RYR2: variants seen among roughly 807,000 people sequenced by gnomAD.
RYR2 encodes the protein cardiac muscle ryanodine receptor-calcium release channel.
RYR2 carries 227 observed loss-of-function variants against 601.1 expected under a neutral mutation model. The ratio of observed to expected loss-of-function variants is 0.38; its 90% CI spans 0.34 to 0.42. RYR2 has a LOEUF of 0.42. Ranked by LOEUF, RYR2 falls within the 10% of genes least tolerant of loss-of-function variation. The pLI is 1.00. For missense variants in RYR2, 4,646 were observed against 6,156.5 expected (o/e 0.75, Z 8.21); for synonymous variants, 2,223 against 2,175.1 (o/e 1.02, Z -0.61).
Position 237,277,893 on chromosome 1 carries a change from G to A in RYR2, c.168+7277G>A, listed in dbSNP as rs60261026. On this transcript the variant is annotated intron_variant, in intron 2 of 104. Transcript: ENST00000366574. ...CTGTTCACAAATATAAAGTCATTAA[G>A]CCTTAACACTATGTTTATTTGCTAT... Among the ~76,000 whole-genome samples, 1,230 of 152,194 alleles carry A rather than the reference G, an allele frequency of 8.1e-3. 25 individuals are homozygous for A. Among genetic ancestry groups the A allele is most frequent in the African/African-American group, 0.028 (1,143 of 41,534 alleles).
chr1:237,678,163 C>A, intron 61 of RYR2, 51 bp downstream of exon 61: 2 of 999,158 alleles, frequency 2.0e-6, no homozygotes, highest in South Asian at 2.7e-5. Context: ...TGTTTACATA[C>A]CCTACTCATT....
chr1:237,126,333 T>C (rs1671415617), intron 1 of RYR2, among the ~76,000 whole-genome samples: 1 of 151,530 alleles, frequency 6.6e-6, no homozygotes, highest in South Asian at 2.1e-4. Flanking sequence ...GCTATGAGAG[T>C]AATTGGTGAC....
At chr1:237,289,351 C>T (rs183999911) in intron 2 of RYR2, among the ~76,000 whole-genome samples, 38 of 152,236 alleles carry the variant, frequency 2.5e-4, no homozygotes, top group African/African-American at 8.2e-4. Context: ...TTGTATTAGT[C>T]CTTTCTCATG....
At chr1:237,597,381 A>G (rs990575124) in intron 34 of RYR2, among the ~76,000 whole-genome samples, 2 of 151,476 alleles carry the variant, frequency 1.3e-5, no homozygotes, top group African/African-American at 4.9e-5. Flanking sequence ...TTCTGGGTTC[A>G]AGCAATTCTC....
At chr1:237,233,468 T>A (rs1023118231) in intron 1 of RYR2, among the ~76,000 whole-genome samples, 2 of 152,200 alleles carry the variant, frequency 1.3e-5, no homozygotes, top group Non-Finnish European at 2.9e-5. Context: ...TTTTTCTTCT[T>A]GATCTTATCC....
At chr1:237,731,934 G>C in intron 77 of RYR2, 112 bp from the exon 78 acceptor site, 1 of 511,590 alleles carries the variant, frequency 2.0e-6, no homozygotes, top group South Asian at 2.3e-5. Context: ...CAACAGGGAA[G>C]GAGGAACGTT....
intron 65 of RYR2, 72 bp downstream of exon 65, chr1:237,700,539 A>G (rs1392433483): frequency 2.7e-6 from 2 of 738,688 alleles, no homozygotes; most frequent in African/African-American, 3.6e-5. Context: ...AAAAACAGTA[A>G]TAGCCACATC....
intron 24 of RYR2, among the ~76,000 whole-genome samples, chr1:237,525,987 AAATAAT>A (rs1667550083): frequency 6.6e-6 from 1 of 150,992 alleles, no homozygotes. Context: ...CAAAAAAAAA[AAATAAT>A]AATAATAAAT....
chr1:237,194,383 G>A (rs1445493902), intron 1 of RYR2, among the ~76,000 whole-genome samples: 2 of 152,208 alleles, frequency 1.3e-5, no homozygotes, highest in African/African-American at 4.8e-5. Context: ...ATACATGAGT[G>A]AGAAACAGCG....
At chr1:237,217,865 A>G (rs1018258165) in intron 1 of RYR2, among the ~76,000 whole-genome samples, 1 of 152,162 alleles carries the variant, frequency 6.6e-6, no homozygotes, top group East Asian at 1.9e-4. Flanking sequence ...GCTTTGCTGT[A>G]TTTGTTTTGC....
chr1:237,424,764 C>T (rs1705969729), intron 12 of RYR2, among the ~76,000 whole-genome samples: 2 of 152,028 alleles, frequency 1.3e-5, no homozygotes, highest in Admixed American at 1.3e-4. Context: ...TAATAAATTC[C>T]ATTTTATTAA....
intron 1 of RYR2, among the ~76,000 whole-genome samples, chr1:237,256,205 CA>C (rs1687957987): frequency 6.6e-6 from 1 of 152,142 alleles, no homozygotes; most frequent in Admixed American, 6.6e-5. Flanking sequence ...GCTTGTCTCA[CA>C]TTTTCTCTTG....
chr1:237,725,837 GT>G (rs898813115), intron 74 of RYR2, among the ~76,000 whole-genome samples: 1 of 152,058 alleles, frequency 6.6e-6, no homozygotes, highest in African/African-American at 2.4e-5. Context: ...CTTAAAATAT[GT>G]TTGTCAACTG....
At chr1:237,048,353 A>G (rs537508868) in intron 1 of RYR2, among the ~76,000 whole-genome samples, 1 of 151,872 alleles carries the variant, frequency 6.6e-6, no homozygotes, top group Admixed American at 6.6e-5. Context: ...TTGCAATCCA[A>G]CTCAGATTTC....
At chr1:237,299,360 T>G (rs537902418) in intron 2 of RYR2, among the ~76,000 whole-genome samples, 1 of 152,272 alleles carries the variant, frequency 6.6e-6, no homozygotes, top group African/African-American at 2.4e-5. Flanking sequence ...CTGACCCTAT[T>G]TGAATACGGA....
intron 28 of RYR2, among the ~76,000 whole-genome samples, chr1:237,568,713 A>G (rs900976060): frequency 2.0e-5 from 3 of 152,202 alleles, no homozygotes; most frequent in African/African-American, 4.8e-5. Context: ...ATCATTTTCA[A>G]TGACAGATGC....
chr1:237,681,777 C>T (rs1685906830), intron 62 of RYR2, among the ~76,000 whole-genome samples: 1 of 152,076 alleles, frequency 6.6e-6, no homozygotes, highest in Admixed American at 6.5e-5. Flanking sequence ...CTCATCATTT[C>T]ATAAGCACCA....
chr1:237,493,226 T>C, intron 19 of RYR2, 139 bp downstream of exon 19: 1 of 955,140 alleles, frequency 1.0e-6, no homozygotes, highest in South Asian at 1.7e-5. Flanking sequence ...CAGTGAATAA[T>C]ATGTCTTTTT....
At chr1:237,119,236 A>G (rs1166551796) in intron 1 of RYR2, among the ~76,000 whole-genome samples, 1 of 152,190 alleles carries the variant, frequency 6.6e-6, no homozygotes, top group Non-Finnish European at 1.5e-5. Flanking sequence ...CGGGGAGTAG[A>G]CAGCCATCTG....
Sources: allele counts gnomAD v4.1 joint callset (sites outside exome capture counted in the v4.1 genomes callset), GRCh38; gene constraint gnomAD v4.1.1; transcripts MANE v1.5; gene names NCBI Gene and HGNC (gene_info 2026-07-23, HGNC 2026-07-21).